Variants in ROR1 observed in about 807,000 individuals in gnomAD.
ROR1 encodes the protein ROR family WNT receptor 1, also known as inactive tyrosine-protein kinase transmembrane receptor ROR1.
ROR1 carries 19 observed loss-of-function variants against 78.8 expected under a neutral mutation model. That is an observed-to-expected ratio of 0.24 (90% CI 0.17 to 0.35). The LOEUF (loss-of-function observed/expected upper bound fraction) is 0.35, where lower values mean the gene tolerates loss of function less well. Among genes scored for constraint, ROR1 ranks in the 10% least tolerant of loss-of-function variants. The pLI, the probability that ROR1 is intolerant of heterozygous loss-of-function variation, is 1.00. For missense variants in ROR1, 917 were observed against 1,177.8 expected (o/e 0.78, Z 3.24); for synonymous variants, 386 against 433.6 (o/e 0.89, Z 1.36).
chr1:64,169,655 C>G (rs1399318396), intron 8 of ROR1, among the ~76,000 whole-genome samples: 3 of 152,180 alleles, frequency 2.0e-5, no homozygotes, highest in African/African-American at 2.4e-5. Context: ...CCCAAAGTCT[C>G]AACTCATTTC....
intron 1 of ROR1, among the ~76,000 whole-genome samples, chr1:63,848,477 C>T (rs1236633694): frequency 2.0e-5 from 3 of 152,046 alleles, no homozygotes; most frequent in Non-Finnish European, 4.4e-5. Flanking sequence ...GAAGGTATTT[C>T]GAAGGAAGCT....
chr1:63,818,075 G>C (rs1339787849), intron 1 of ROR1, among the ~76,000 whole-genome samples: 1 of 152,180 alleles, frequency 6.6e-6, no homozygotes, highest in Non-Finnish European at 1.5e-5. Context: ...GCTGTTTTGA[G>C]GATGAGAATA....
intron 1 of ROR1, among the ~76,000 whole-genome samples, chr1:63,953,766 G>A (rs1645959823): frequency 6.6e-6 from 1 of 152,216 alleles, no homozygotes; most frequent in African/African-American, 2.4e-5. Flanking sequence ...GGTGAGGTTT[G>A]TAGGGCAGGA....
chr1:63,803,294 T>G (rs189876759), intron 1 of ROR1, among the ~76,000 whole-genome samples: 50 of 152,284 alleles, frequency 3.3e-4, no homozygotes, highest in Non-Finnish European at 6.5e-4. Flanking sequence ...TACATTGTAT[T>G]TAAGAGGGCC....
chr1:64,151,649 G>C lies in ROR1; in HGVS notation c.1175-7332G>C, dbSNP rs569295459. Among the ~76,000 whole-genome samples, 4 of 151,752 alleles carry C rather than the reference G, an allele frequency of 2.6e-5. No homozygotes were observed. In the East Asian group the frequency reaches 5.8e-4, roughly 22 times the overall value. The stretch of plus-strand genomic sequence containing the variant: ...GCACTTTGGGAGGCCGAGGCGGGCA[G>C]ATCATTTAAGGTCAGGAGTTCAAAA... On this transcript the variant is annotated intron_variant, in intron 7 of 8. Coordinates refer to ENST00000371079, the MANE Select transcript of ROR1 (RefSeq NM_005012.4).
chr1:63,922,506 C>T (rs855810), intron 1 of ROR1, among the ~76,000 whole-genome samples: 2 of 151,874 alleles, frequency 1.3e-5, no homozygotes, highest in Non-Finnish European at 2.9e-5. Context: ...TGTCGAAGCC[C>T]AGGATTTTGT....
chr1:63,817,309 A>C (rs1359775374), intron 1 of ROR1, among the ~76,000 whole-genome samples: 1 of 152,208 alleles, frequency 6.6e-6, no homozygotes, highest in Admixed American at 6.5e-5. Context: ...GCCGGGGCAG[A>C]GGGAGAGAAA....
chr1:64,169,776 G>T (rs1035309553), intron 8 of ROR1, among the ~76,000 whole-genome samples: 1 of 152,206 alleles, frequency 6.6e-6, no homozygotes, highest in African/African-American at 2.4e-5. Context: ...CAGATACAGT[G>T]GGGGTACAGG....
intron 1 of ROR1, chr1:63,788,683 G>A (rs962597356): frequency 7.8e-6 from 2 of 257,754 alleles, no homozygotes; most frequent in Admixed American, 8.7e-5. Flanking sequence ...TATAATCACA[G>A]AAGCCAGTAT....
At chr1:64,124,245 G>A (rs1648638757) in intron 4 of ROR1, among the ~76,000 whole-genome samples, 2 of 152,128 alleles carry the variant, frequency 1.3e-5, no homozygotes, top group Non-Finnish European at 2.9e-5. Flanking sequence ...TTAAAAGGGT[G>A]GAATGAGAAT....
intron 4 of ROR1, among the ~76,000 whole-genome samples, chr1:64,124,004 G>T (rs1425657175): frequency 4.6e-5 from 7 of 152,010 alleles, no homozygotes; most frequent in African/African-American, 1.7e-4. Context: ...GTCACTAAAA[G>T]TAATATTTTA....
intron 1 of ROR1, among the ~76,000 whole-genome samples, chr1:63,847,629 A>G (rs1299545074): frequency 1.3e-5 from 2 of 152,180 alleles, no homozygotes; most frequent in African/African-American, 4.8e-5. Context: ...GGGTCGGTAA[A>G]ACCCACTTCA....
intron 1 of ROR1, among the ~76,000 whole-genome samples, chr1:63,984,442 G>A (rs1253387854): frequency 2.6e-5 from 4 of 152,278 alleles, no homozygotes; most frequent in Non-Finnish European, 2.9e-5. Context: ...AGGGTGCCAC[G>A]TGGAATAGGA....
chr1:64,100,118 T>G lies in ROR1; in HGVS notation c.483-37251T>G, dbSNP rs190921743. On this transcript the variant is annotated intron_variant, in intron 4 of 8. Coordinates refer to ENST00000371079, the MANE Select transcript of ROR1 (RefSeq NM_005012.4). ...AAAATTTTGGAAAAATTTAAAAATA[T>G]TACAAATCATACACAATAGATGTTG... is the stretch of plus-strand genomic sequence containing the variant. 1.2e-4 allele frequency among the ~76,000 whole-genome samples: 18 copies of G among 152,250 alleles called. No homozygotes were observed. In the East Asian group the frequency reaches 2.5e-3, roughly 21 times the overall value.
At chr1:63,878,397 A>G (rs372837508) in intron 1 of ROR1, among the ~76,000 whole-genome samples, 68 of 152,318 alleles carry the variant, frequency 4.5e-4, no homozygotes, top group Non-Finnish European at 8.1e-4. Context: ...TATTTGCTTA[A>G]CAGTTTCAAG....
At chr1:64,066,012 C>G (rs975130366) in intron 4 of ROR1, among the ~76,000 whole-genome samples, 1 of 152,148 alleles carries the variant, frequency 6.6e-6, no homozygotes, top group Non-Finnish European at 1.5e-5. Context: ...GGTATAAATA[C>G]TTGCCACTGG....
chr1:63,977,481 C>A (rs184638546), intron 1 of ROR1, among the ~76,000 whole-genome samples: 1 of 152,214 alleles, frequency 6.6e-6, no homozygotes, highest in East Asian at 1.9e-4. Flanking sequence ...AGTTGGCTGT[C>A]ACTCAGCAGC....
At chr1:63,960,353 G>C (rs2100484070) in intron 1 of ROR1, among the ~76,000 whole-genome samples, 1 of 152,310 alleles carries the variant, frequency 6.6e-6, no homozygotes, top group East Asian at 1.9e-4. Flanking sequence ...TGGAATTGCT[G>C]TTATATTAAA....
Position 64,159,187 on chromosome 1 carries a change from C to T in ROR1, c.1381C>T (p.Pro461Ser). ...GATGTCAATGCTGAATGCATATAAA[C>T]CCAAGGTAATGTTAGCAGTACAGAG... ...VEMSMLNAYK[P>S]KSKAKELPLS... Residue 461 changes from proline to serine, a missense_variant, in exon 8 of 9, where the codon CCC becomes TCC. Pro to Ser is a moderately conservative substitution (Grantham distance 74). This residue lies in a region of ROR1 where 835 missense variants were observed against 1,069.8 expected (regional missense o/e 0.78). Transcript: ENST00000371079. 1.2e-6 allele frequency: 2 copies of T among 1,612,146 alleles called. No individual in the cohort carries two copies. Among genetic ancestry groups the T allele is most frequent in the South Asian group, 1.1e-5 (1 of 91,000 alleles).
Sources: gnomAD v4.1 joint callset for allele counts (sites outside exome capture counted in the v4.1 genomes callset) on GRCh38, gnomAD v4.1.1 for gene constraint, gnomAD v4.1.1 regional missense constraint, MANE v1.5 for transcripts, NCBI Gene and HGNC (gene_info 2026-07-23, HGNC 2026-07-21) for gene names.